PINX1: variants seen among roughly 807,000 people sequenced by gnomAD.
PINX1 encodes the protein PIN2 (TERF1) interacting telomerase inhibitor 1.
Under a neutral mutation model 25.4 loss-of-function variants are expected in PINX1, and 34 were observed. The observed-to-expected ratio is 1.34, with a 90% confidence interval of 1.02 to 1.78. The LOEUF is 1.78. Among genes scored for constraint, PINX1 ranks in the 40% most tolerant of loss-of-function variants. The pLI is 0.00. For missense variants in PINX1, 592 were observed against 404.9 expected (o/e 1.46, Z -3.97); for synonymous variants, 197 against 147.7 (o/e 1.33, Z -2.42).
At chr8:10,839,614 G>GTCCCCCGA in intron 1 of PINX1, 124 bp downstream of exon 1, 1 of 979,098 alleles carries the variant, frequency 1.0e-6, no homozygotes, top group Non-Finnish European at 1.6e-6. Flanking sequence ...CGGCTCCCCG[G>GTCCCCCGA]TCCCCCGATC....
chr8:10,833,156 T>G (rs1338209675), intron 2 of PINX1, among the ~76,000 whole-genome samples, 172 bp from the exon 3 acceptor site: 1 of 152,136 alleles, frequency 6.6e-6, no homozygotes, highest in Non-Finnish European at 1.5e-5. Flanking sequence ...TCTGCATCAA[T>G]TAGCACTCAT....
intron 5 of PINX1, chr8:10,825,488 C>T (rs1248257514): frequency 3.8e-6 from 2 of 533,158 alleles, no homozygotes; most frequent in South Asian, 1.4e-5. Context: ...GGTTAAATTG[C>T]TTCTTTCCAA....
intron 6 of PINX1, among the ~76,000 whole-genome samples, chr8:10,819,595 A>G (rs1276800881): frequency 6.6e-6 from 1 of 152,224 alleles, no homozygotes; most frequent in African/African-American, 2.4e-5. Context: ...ATACAGCCCA[A>G]TTTAATAATT....
intron 6 of PINX1, chr8:10,771,536 G>C (rs983371104): frequency 1.3e-5 from 2 of 152,182 alleles, no homozygotes; most frequent in Non-Finnish European, 2.9e-5. Flanking sequence ...CTTGAGGACA[G>C]GGGCCATTTA....
At position 10,766,955 on chromosome 8, in the gene PINX1, GA is replaced by G. The variant is rs1423501468; in HGVS notation, c.472-1040del. ...GTGCTTTCGGGTTGAAGACTATAAGGAATATGCTCGGAGTCAAATCAATGTC... is the reference window on the plus strand; with the variant it reads ...GTGCTTTCGGGTTGAAGACTATAAGGATATGCTCGGAGTCAAATCAATGTC... On this transcript the variant is annotated intron_variant, in intron 6 of 6. Transcript: ENST00000314787. Among the ~76,000 whole-genome samples the G allele has an allele frequency of 9.2e-5, 14 of 152,100 alleles. 1 individual carries two copies. The highest frequency in any genetic ancestry group is 7.9e-4 in the Admixed American group (12 of 15,258).
At position 10,834,715 on chromosome 8, in the gene PINX1, G is replaced by C; in HGVS notation, c.80C>G (p.Ser27Cys). The C allele has an allele frequency of 6.2e-7, 1 of 1,613,696 alleles. No individual in the cohort carries two copies. Among genetic ancestry groups the C allele is most frequent in the Non-Finnish European group, 8.5e-7 (1 of 1,179,818 alleles). ...CTCTAGCATCCGCTGGCCAAACTTGGAATCGTCATTACTCCAGGCAGTGTT... is the reference window on the plus strand; with the variant it reads ...CTCTAGCATCCGCTGGCCAAACTTGCAATCGTCATTACTCCAGGCAGTGTT... ...PQNTAWSNDD[S>C]KFGQRMLEKM... is the part of the protein sequence containing the mutation. The change falls in exon 2 of 7, where the codon TCC becomes TGC. Residue 27 changes from serine (S) to cysteine (C), a missense_variant. Physicochemically the swap from Ser to Cys is moderately radical, Grantham distance 112. Coordinates refer to ENST00000314787, the MANE Select transcript of PINX1 (RefSeq NM_017884.6).
intron 6 of PINX1, among the ~76,000 whole-genome samples, chr8:10,775,370 A>C (rs538751142): frequency 1.3e-5 from 2 of 150,198 alleles, no homozygotes; most frequent in East Asian, 3.9e-4. Flanking sequence ...GCTGCTTCTC[A>C]AACTATCAGG....
chr8:10,804,422 G>A lies in PINX1; in HGVS notation c.471+15771C>T, dbSNP rs144845561. The stretch of plus-strand genomic sequence containing the variant: ...AAGAGCCCCGGGAGGTCCGTACCAG[G>A]AGCCAGCAAGCATCGGCATCAGGGA... On this transcript the variant is annotated intron_variant, in intron 6 of 6. Transcript: ENST00000314787. Among the ~76,000 whole-genome samples, 336 of 152,262 alleles carry A rather than the reference G, an allele frequency of 2.2e-3. 1 individual carries two copies. Among genetic ancestry groups the A allele is most frequent in the African/African-American group, 7.9e-3 (327 of 41,556 alleles).
chr8:10,808,599 A>G (rs1376709120), intron 6 of PINX1, among the ~76,000 whole-genome samples: 4 of 152,244 alleles, frequency 2.6e-5, no homozygotes, highest in African/African-American at 9.6e-5. Flanking sequence ...TAAAGTACAG[A>G]GAGGTTACAT....
chr8:10,811,581 A>G lies in PINX1; in HGVS notation c.471+8612T>C, dbSNP rs185342756. 2.7e-4 allele frequency among the ~76,000 whole-genome samples: 41 copies of G among 152,306 alleles called. 1 individual carries two copies. In the Middle Eastern group the frequency reaches 0.014, roughly 51 times the overall value. On this transcript the variant is annotated intron_variant, in intron 6 of 6. Transcript: ENST00000314787. Reference sequence around the variant, plus strand: ...AATTCGAGGAAGGGCTGGGCTGGGCAGTCCTGGCTCAGGGTCTCTCACGCG... The same window carrying G: ...AATTCGAGGAAGGGCTGGGCTGGGCGGTCCTGGCTCAGGGTCTCTCACGCG...
At chr8:10,801,896 G>T (rs10097283) in intron 6 of PINX1, among the ~76,000 whole-genome samples, 4 of 152,024 alleles carry the variant, frequency 2.6e-5, no homozygotes, top group African/African-American at 7.2e-5. Flanking sequence ...CCATGAGAGA[G>T]CTTGTCACAG....
chr8:10,803,749 A>T (rs889584286), intron 6 of PINX1, among the ~76,000 whole-genome samples: 3 of 152,226 alleles, frequency 2.0e-5, no homozygotes. Flanking sequence ...ACTAAGGCTG[A>T]ACCATAAATA....
intron 6 of PINX1, among the ~76,000 whole-genome samples, chr8:10,786,516 A>G (rs565851620): frequency 2.0e-5 from 3 of 152,204 alleles, no homozygotes; most frequent in African/African-American, 7.2e-5. Context: ...GCGTGGCTGC[A>G]GCATAGGCAG....
intron 1 of PINX1, among the ~76,000 whole-genome samples, chr8:10,836,187 C>G (rs889856556): frequency 6.6e-6 from 1 of 152,020 alleles, no homozygotes; most frequent in African/African-American, 2.4e-5. Context: ...ACTATGCACA[C>G]TCCAGCAAAA....
chr8:10,774,691 T>A (rs1165907640), intron 6 of PINX1, among the ~76,000 whole-genome samples: 1 of 152,186 alleles, frequency 6.6e-6, no homozygotes, highest in Non-Finnish European at 1.5e-5. Context: ...GAAAGGTAAA[T>A]TAGGTGAATA....
At chr8:10,793,642 C>T (rs183367834) in intron 6 of PINX1, among the ~76,000 whole-genome samples, 180 of 152,056 alleles carry the variant, frequency 1.2e-3, no homozygotes, top group Admixed American at 1.8e-3. Flanking sequence ...CACAGACGTC[C>T]GCTGGAACGG....
In PINX1 at chr8:10,765,856, T is replaced by A. The variant is rs1430989960; in HGVS notation, c.532A>T (p.Ile178Phe). ...ATCCGCTTGGCAAAGTACTCCTGGATGGTGAAGGCGCTGGTTGTCGTGGTT... is the reference window on the plus strand; with the variant it reads ...ATCCGCTTGGCAAAGTACTCCTGGAAGGTGAAGGCGCTGGTTGTCGTGGTT... ...NETTTTSAFT[I>F]QEYFAKRMAA... Residue 178 changes from isoleucine to phenylalanine, a missense_variant, in exon 7 of 7, where the codon ATC becomes TTC. Physicochemically the swap from Ile to Phe is conservative, Grantham distance 21. Coordinates refer to ENST00000314787, the MANE Select transcript of PINX1 (RefSeq NM_017884.6). 6.2e-7 allele frequency: 1 copy of A among 1,613,846 alleles called. No individual in the cohort carries two copies. Among genetic ancestry groups the A allele is most frequent in the East Asian group, 2.2e-5 (1 of 44,902 alleles).
In PINX1 at chr8:10,819,712, A is replaced by C. The variant is rs1000757033; in HGVS notation, c.471+481T>G. On this transcript the variant is annotated intron_variant, in intron 6 of 6. Transcript: ENST00000314787. ...TTGTATAATAGAGGAAATACCCATCAAACCCCCTTATAGATGGTGCTGATC... is the reference window on the plus strand; with the variant it reads ...TTGTATAATAGAGGAAATACCCATCCAACCCCCTTATAGATGGTGCTGATC... Among the ~76,000 whole-genome samples the C allele has an allele frequency of 3.3e-5, 5 of 152,350 alleles. No individual in the cohort carries two copies. In the East Asian group the frequency reaches 9.6e-4, roughly 29 times the overall value.
At chr8:10,790,076 G>A (rs1378087087) in intron 6 of PINX1, among the ~76,000 whole-genome samples, 2 of 152,110 alleles carry the variant, frequency 1.3e-5, no homozygotes, top group African/African-American at 4.8e-5. Context: ...CAAGACACAG[G>A]TGGAGGCGCC....
Sources: gnomAD v4.1 joint callset for allele counts (sites outside exome capture counted in the v4.1 genomes callset) on GRCh38, gnomAD v4.1.1 for gene constraint, MANE v1.5 for transcripts, NCBI Gene and HGNC (gene_info 2026-07-23, HGNC 2026-07-21) for gene names.